BCL2L11: variants seen among roughly 807,000 people sequenced by gnomAD.
BCL2L11 encodes BCL2 like 11, also known as bcl-2-like protein 11.
In BCL2L11, 15 loss-of-function variants were observed where a neutral mutation model predicts 20.6. The observed-to-expected ratio is 0.73, with a 90% confidence interval of 0.49 to 1.12. The LOEUF is 1.12. Ranked by LOEUF, BCL2L11 falls within the 50% of genes most tolerant of loss-of-function variation. The probability of loss-of-function intolerance (pLI) is 0.00; values close to 1 mark genes in which losing one functional copy is unlikely to be tolerated. For synonymous variants in BCL2L11, 108 were observed against 92.8 expected (o/e 1.16, Z -0.94); for missense variants, 292 against 260.9 (o/e 1.12, Z -0.82).
chr2:111,144,461 T>TG, intron 2 of BCL2L11: 1 of 1,550,410 alleles, frequency 6.4e-7, no homozygotes, highest in Non-Finnish European at 8.7e-7. Flanking sequence ...CAAACGCTGA[T>TG]GGCAGTTGCT....
intron 2 of BCL2L11, among the ~76,000 whole-genome samples, chr2:111,135,689 C>A (rs2074749953): frequency 6.6e-6 from 1 of 152,208 alleles, no homozygotes; most frequent in Admixed American, 6.5e-5. Context: ...TGCCCAGACA[C>A]CCAAGGCTGG....
chr2:111,165,509 G>GT lies in BCL2L11; in HGVS notation c.*1286dup, dbSNP rs68021656. On this transcript the variant is annotated 3_prime_UTR_variant, in exon 4 of 4. Coordinates refer to ENST00000393256, the MANE Select transcript of BCL2L11 (RefSeq NM_138621.5). ...GAAGAATAATTCTGGGCAGAAGTCT[G>GT]TTTTTTTTCATTTTTCCAGGACAGT... 14,293 of 152,046 alleles carry GT rather than the reference G, an allele frequency of 0.094. 751 individuals carry two copies. The highest frequency in any genetic ancestry group is 0.11 in the Non-Finnish European group (7,683 of 67,984). 9.4% of individuals were successfully genotyped at this position (152,046 alleles called of 1,614,324 possible). A position where few individuals can be genotyped will look rare whatever the true frequency, so the allele number is the denominator to read the frequency against.
intron 2 of BCL2L11, among the ~76,000 whole-genome samples, chr2:111,139,084 A>G (rs1313133241): frequency 1.3e-5 from 2 of 152,158 alleles, no homozygotes; most frequent in African/African-American, 4.8e-5. Flanking sequence ...AAATGCTACT[A>G]TAATTCTAAT....
chr2:111,152,022 T>G, intron 3 of BCL2L11: 7 of 789,114 alleles, frequency 8.9e-6, no homozygotes, highest in Non-Finnish European at 1.4e-5. Flanking sequence ...TGGCTGTCTC[T>G]ATTGACTAGG....
chr2:111,153,106 G>A (rs966268340), intron 3 of BCL2L11, among the ~76,000 whole-genome samples: 6 of 152,120 alleles, frequency 3.9e-5, no homozygotes, highest in Admixed American at 6.6e-5. Context: ...GGCTGGGTAC[G>A]GTGGCTCACA....
chr2:111,146,382 C>A, intron 2 of BCL2L11: 1 of 418,524 alleles, frequency 2.4e-6, no homozygotes, highest in Non-Finnish European at 3.2e-6. Context: ...GAAATGTCAA[C>A]CTAAGTTATC....
intron 3 of BCL2L11, among the ~76,000 whole-genome samples, chr2:111,152,532 C>T (rs186955189): frequency 2.0e-5 from 3 of 152,238 alleles, no homozygotes; most frequent in Non-Finnish European, 4.4e-5. Flanking sequence ...GGTGGATGCA[C>T]CTCCATGGCT....
intron 3 of BCL2L11, among the ~76,000 whole-genome samples, chr2:111,159,242 G>A (rs1239048507): frequency 6.6e-6 from 1 of 152,170 alleles, no homozygotes; most frequent in African/African-American, 2.4e-5. Flanking sequence ...ATCTTCATGT[G>A]GGCCAAGAGT....
chr2:111,143,469 CATAGATT>C (rs1218497359), intron 2 of BCL2L11, among the ~76,000 whole-genome samples: 8 of 152,120 alleles, frequency 5.3e-5, no homozygotes, highest in African/African-American at 1.9e-4. Flanking sequence ...TGAGAGGGAT[CATAGATT>C]TCCTTTATAG....
chr2:111,156,020 C>A (rs2077799817), intron 3 of BCL2L11, among the ~76,000 whole-genome samples: 1 of 152,144 alleles, frequency 6.6e-6, no homozygotes, highest in Non-Finnish European at 1.5e-5. Context: ...TATATGCTCT[C>A]CTTCTTGAGA....
intron 3 of BCL2L11, among the ~76,000 whole-genome samples, chr2:111,151,406 A>G (rs574614606): frequency 1.3e-5 from 2 of 152,334 alleles, no homozygotes; most frequent in African/African-American, 4.8e-5. Context: ...TATTTTGTGG[A>G]AAATGTTATA....
intron 3 of BCL2L11, among the ~76,000 whole-genome samples, chr2:111,150,460 A>G (rs1176753432): frequency 2.6e-5 from 4 of 152,246 alleles, no homozygotes; most frequent in Non-Finnish European, 5.9e-5. Flanking sequence ...ATAGGTTTCA[A>G]TCCATGTAGT....
At chr2:111,128,033 C>T (rs1574925381) in intron 2 of BCL2L11, among the ~76,000 whole-genome samples, 3 of 152,060 alleles carry the variant, frequency 2.0e-5, no homozygotes, top group South Asian at 2.1e-4. Context: ...TTTTGTTGTG[C>T]GGCCAATCTC....
intron 3 of BCL2L11, 132 bp downstream of exon 3, chr2:111,150,279 T>C: frequency 6.7e-7 from 1 of 1,482,282 alleles, no homozygotes; most frequent in Non-Finnish European, 9.0e-7. Flanking sequence ...AGTTGTGACC[T>C]TTCATTGTTT....
chr2:111,142,555 T>C (rs375556983), intron 2 of BCL2L11, among the ~76,000 whole-genome samples: 80 of 152,382 alleles, frequency 5.2e-4, no homozygotes, highest in African/African-American at 1.9e-3. Context: ...TTGTAAGTTT[T>C]AACCGTATAC....
rs1345696699 is a variant in BCL2L11, at chr2:111,166,491, G to A, written c.*2260G>A. On this transcript the variant is annotated 3_prime_UTR_variant, in exon 4 of 4. Transcript: ENST00000393256. ...AGCGATGACTGGATGTCTCTGTACTGTATGTATCTGGTTATCAAGATGCCT... is the reference window on the plus strand; with the variant it reads ...AGCGATGACTGGATGTCTCTGTACTATATGTATCTGGTTATCAAGATGCCT... 1.3e-5 allele frequency: 2 copies of A among 152,700 alleles called. No homozygotes were observed. The highest frequency in any genetic ancestry group is 1.3e-4 in the Admixed American group (2 of 15,292). The allele number at this position is 152,700 out of a possible 1,614,324, so 9.5% of individuals were successfully genotyped here.
intron 3 of BCL2L11, among the ~76,000 whole-genome samples, chr2:111,152,830 A>G (rs941610398): frequency 1.6e-4 from 24 of 152,218 alleles, no homozygotes; most frequent in Admixed American, 5.2e-4. Flanking sequence ...TGTGTTTCCA[A>G]TAAGATGCAA....
intron 2 of BCL2L11, among the ~76,000 whole-genome samples, chr2:111,137,702 T>A (rs2150373212): frequency 6.6e-6 from 1 of 151,852 alleles, no homozygotes; most frequent in South Asian, 2.1e-4. Flanking sequence ...ATCACAGCAT[T>A]GTTTATACAG....
At chr2:111,124,240 G>C (rs1320264514) in intron 2 of BCL2L11, 101 bp downstream of exon 2, 1 of 1,317,476 alleles carries the variant, frequency 7.6e-7, no homozygotes, top group African/African-American at 1.5e-5. Flanking sequence ...CCCCGTAACT[G>C]ATTTATTCCA....
Sources: allele counts gnomAD v4.1 joint callset (sites outside exome capture counted in the v4.1 genomes callset), GRCh38; gene constraint gnomAD v4.1.1; transcripts MANE v1.5; gene names NCBI Gene and HGNC (gene_info 2026-07-23, HGNC 2026-07-21).